PRUNE2: variants seen among roughly 807,000 people sequenced by gnomAD.
The protein encoded by PRUNE2 is protein prune homolog 2.
In PRUNE2, 164 loss-of-function variants were observed where a neutral mutation model predicts 252.0. The ratio of observed to expected loss-of-function variants is 0.65; its 90% CI spans 0.57 to 0.74. The LOEUF (loss-of-function observed/expected upper bound fraction) is 0.74. Ranked by LOEUF, PRUNE2 falls within the 30% of genes least tolerant of loss-of-function variation. The pLI is 0.00. For synonymous variants in PRUNE2, 1,292 were observed against 1,350.2 expected (o/e 0.96, Z 0.94); for missense variants, 3,495 against 3,711.0 (o/e 0.94, Z 1.51).
At chr9:76,642,780 T>C (rs1843106691) in intron 12 of PRUNE2, among the ~76,000 whole-genome samples, 1 of 152,198 alleles carries the variant, frequency 6.6e-6, no homozygotes, top group South Asian at 2.1e-4. Flanking sequence ...ATCTGAAGTA[T>C]CTTTACCTAC....
intron 4 of PRUNE2, among the ~76,000 whole-genome samples, chr9:76,834,199 T>TC (rs2058832356): frequency 1.3e-5 from 2 of 152,228 alleles, no homozygotes; most frequent in Admixed American, 1.3e-4. Context: ...TGCCTATTAT[T>TC]CTTATTCTTA....
At chr9:76,835,582 G>C (rs2058914590) in intron 4 of PRUNE2, among the ~76,000 whole-genome samples, 1 of 152,102 alleles carries the variant, frequency 6.6e-6, no homozygotes, top group Admixed American at 6.6e-5. Flanking sequence ...GAATCATTTT[G>C]GTTTTATAAC....
At chr9:76,874,611 G>A (rs527887602) in intron 1 of PRUNE2, among the ~76,000 whole-genome samples, 4 of 152,126 alleles carry the variant, frequency 2.6e-5, no homozygotes, top group Non-Finnish European at 5.9e-5. Flanking sequence ...CCATCCCATC[G>A]CTCGAGCTTC....
chr9:76,856,731 G>T (rs557412263), intron 1 of PRUNE2: 1 of 217,654 alleles, frequency 4.6e-6, no homozygotes. Flanking sequence ...GGTTCTCCTT[G>T]GTGTCATATG....
intron 9 of PRUNE2, among the ~76,000 whole-genome samples, chr9:76,682,157 C>T (rs111407176): frequency 1.1e-4 from 16 of 151,786 alleles, no homozygotes; most frequent in Admixed American, 3.9e-4. Context: ...CCTCAGTAGA[C>T]GGAGTGATTT....
chr9:76,886,531 A>C (rs2062110010), intron 1 of PRUNE2, among the ~76,000 whole-genome samples: 1 of 152,210 alleles, frequency 6.6e-6, no homozygotes, highest in South Asian at 2.1e-4. Context: ...CAAGCCACTG[A>C]CTTCCGGACA....
intron 17 of PRUNE2, among the ~76,000 whole-genome samples, chr9:76,622,704 G>A (rs1832910242): frequency 6.6e-6 from 1 of 152,162 alleles, no homozygotes; most frequent in Non-Finnish European, 1.5e-5. Flanking sequence ...TCAGTTCCTT[G>A]ATTACTAGTA....
chr9:76,692,929 T>C (rs1378251432), intron 9 of PRUNE2: 1 of 151,722 alleles, frequency 6.6e-6, no homozygotes. Flanking sequence ...TGAGCCGAGA[T>C]TGCATCGCTG....
intron 6 of PRUNE2, chr9:76,758,991 C>T (rs139673544): frequency 1.3e-5 from 2 of 152,328 alleles, no homozygotes; most frequent in East Asian, 3.9e-4. Flanking sequence ...GGGACAAGAA[C>T]CTAAGGTCTG....
intron 6 of PRUNE2, among the ~76,000 whole-genome samples, chr9:76,807,520 A>C (rs892020580): frequency 6.6e-6 from 1 of 152,210 alleles, no homozygotes; most frequent in African/African-American, 2.4e-5. Flanking sequence ...ATACACAATA[A>C]TATCATATAT....
chr9:76,762,773 C>T lies in PRUNE2; in HGVS notation c.757-49052G>A, dbSNP rs148744529. Among the ~76,000 whole-genome samples, 273 of 152,246 alleles carry T rather than the reference C, an allele frequency of 1.8e-3. 2 individuals are homozygous for T. The highest frequency in any genetic ancestry group is 0.016 in the South Asian group (76 of 4,820). ...CCTTCGCCATGAGCATGGCTGTGGA[C>T]ACGTAAGGAGCCTCAGTGGCTCCAC... On this transcript the variant is annotated intron_variant, in intron 6 of 18. Coordinates refer to ENST00000376718, the MANE Select transcript of PRUNE2 (RefSeq NM_015225.3).
chr9:76,627,299 C>CG (rs5898491), intron 16 of PRUNE2, among the ~76,000 whole-genome samples: 12 of 133,764 alleles, frequency 9.0e-5, no homozygotes, highest in Non-Finnish European at 1.6e-4. Context: ...GATGGGGTGG[C>CG]GGGGGGCTCA....
intron 17 of PRUNE2, among the ~76,000 whole-genome samples, chr9:76,621,175 G>C (rs2132020902): frequency 6.6e-6 from 1 of 152,286 alleles, no homozygotes; most frequent in East Asian, 1.9e-4. Context: ...CCTTTGGTTA[G>C]ACCTAGCCTG....
In PRUNE2 at chr9:76,652,517, G is replaced by A. The variant is rs201672430; in HGVS notation, c.8523C>T (p.Pro2841=). Reference sequence around the variant, plus strand: ...TGTACTCAAAAGAATCTGCTTCATCGGGGGTATCAAGTTCATCCACATTGA... The same window carrying A: ...TGTACTCAAAAGAATCTGCTTCATCAGGGGTATCAAGTTCATCCACATTGA... ...IDINVDELDT[P]DEADSFEYTG... Residue 2841 remains proline, a synonymous_variant, in exon 11 of 19, where the codon CCC becomes CCT. Transcript: ENST00000376718. The A allele has an allele frequency of 8.7e-6, 14 of 1,613,156 alleles. No individual in the cohort carries two copies. The highest frequency in any genetic ancestry group is 1.7e-4 in the Middle Eastern group (1 of 6,056).
chr9:76,771,324 A>C (rs2053078023), intron 6 of PRUNE2, among the ~76,000 whole-genome samples: 1 of 152,224 alleles, frequency 6.6e-6, no homozygotes, highest in Non-Finnish European at 1.5e-5. Context: ...ATACAATAAC[A>C]AAATGAAAAC....
rs1399214146 is a variant in PRUNE2 at position 76,704,041 on chromosome 9, A to G, written c.7572T>C (p.Pro2524=). The G allele has an allele frequency of 3.7e-6, 6 of 1,609,652 alleles. No individual in the cohort carries two copies. In the Admixed American group the frequency reaches 1.0e-4, roughly 27 times the overall value. The change falls in exon 9 of 19, where the codon CCT becomes CCC. Residue 2524 remains proline (P), a synonymous_variant. Coordinates refer to ENST00000376718, the MANE Select transcript of PRUNE2 (RefSeq NM_015225.3). The part of the protein sequence containing the change: ...EEEKTIPTKE[P]EQIKSEYKEE... ...CCTTGTATTCTGATTTTATCTGCTC[A>G]GGCTCTTTGGTAGGAATTGTTTTTT...
At chr9:76,884,170 CTT>C (rs1228910695) in intron 1 of PRUNE2, among the ~76,000 whole-genome samples, 5 of 152,144 alleles carry the variant, frequency 3.3e-5, no homozygotes, top group Admixed American at 1.3e-4. Flanking sequence ...ACAAAGCACA[CTT>C]GGGTTATAGT....
chr9:76,621,587 A>AT (rs1342736199), intron 17 of PRUNE2, among the ~76,000 whole-genome samples: 1 of 152,150 alleles, frequency 6.6e-6, no homozygotes, highest in East Asian at 1.9e-4. Context: ...AAATCTGATT[A>AT]TTTTTATTTG....
At chr9:76,661,234 C>T (rs1412797572) in intron 9 of PRUNE2, among the ~76,000 whole-genome samples, 2 of 152,112 alleles carry the variant, frequency 1.3e-5, no homozygotes, top group African/African-American at 4.8e-5. Context: ...GAAAGCATTA[C>T]AATATTATTA....
Sources: gnomAD v4.1 joint callset for allele counts (sites outside exome capture counted in the v4.1 genomes callset) on GRCh38, gnomAD v4.1.1 for gene constraint, MANE v1.5 for transcripts, NCBI Gene and HGNC (gene_info 2026-07-23, HGNC 2026-07-21) for gene names.